Variants in THADA observed in about 807,000 individuals in gnomAD.
THADA encodes the protein tRNA (32-2'-O)-methyltransferase regulator THADA.
A neutral mutation model predicts 219.8 loss-of-function variants in THADA; 213 were observed. That is an observed-to-expected ratio of 0.97 (90% CI 0.87 to 1.09). The LOEUF (loss-of-function observed/expected upper bound fraction) is 1.09, where lower values mean the gene tolerates loss of function less well. THADA is among the 50% of genes least tolerant of loss of function. The pLI is 0.00. For missense variants in THADA, 2,956 were observed against 2,311.3 expected, an observed-to-expected ratio of 1.28 and a Z score of -5.72; for synonymous variants, 1,018 against 828.9, an observed-to-expected ratio of 1.23 and a Z score of -3.92.
intron 23 of THADA, among the ~76,000 whole-genome samples, chr2:43,506,543 G>A (rs1360605981): frequency 6.6e-6 from 1 of 152,168 alleles, no homozygotes; most frequent in East Asian, 1.9e-4. Flanking sequence ...AGATCTGGAA[G>A]GTAGATTAGT....
At chr2:43,511,753 C>T (rs1306422480) in intron 22 of THADA, among the ~76,000 whole-genome samples, 1 of 152,176 alleles carries the variant, frequency 6.6e-6, no homozygotes, top group Non-Finnish European at 1.5e-5. Context: ...CTGCATCTCA[C>T]GAGGACTTTT....
intron 28 of THADA, among the ~76,000 whole-genome samples, chr2:43,404,682 C>T (rs927151326): frequency 6.6e-6 from 1 of 152,138 alleles, no homozygotes; most frequent in African/African-American, 2.4e-5. Flanking sequence ...ACATTGAGAA[C>T]AGAAACAGGG....
Position 43,428,441 on chromosome 2 carries a change from C to A in THADA, c.3927-210G>T, listed in dbSNP as rs185095518. 2.5e-4 allele frequency among the ~76,000 whole-genome samples: 38 copies of A among 152,258 alleles called. 1 individual carries two copies. In the East Asian group the frequency reaches 7.3e-3, roughly 29 times the overall value. Reference sequence around the variant, plus strand: ...TGGCCAATACAGTAAAACCTCATCTCTACTAATACAAAAAACTAGCCGATG... The same window carrying A: ...TGGCCAATACAGTAAAACCTCATCTATACTAATACAAAAAACTAGCCGATG... On this transcript the variant is annotated intron_variant, in intron 27 of 37. Coordinates refer to ENST00000405975, the MANE Select transcript of THADA (RefSeq NM_022065.5).
chr2:43,531,809 CTA>C (rs1359418488), intron 21 of THADA, among the ~76,000 whole-genome samples: 1 of 152,050 alleles, frequency 6.6e-6, no homozygotes, highest in African/African-American at 2.4e-5. Context: ...TTAGAGGTAA[CTA>C]TTAATTTTTA....
chr2:43,380,200 G>C (rs1368838362), intron 29 of THADA, among the ~76,000 whole-genome samples: 1 of 152,136 alleles, frequency 6.6e-6, no homozygotes, highest in African/African-American at 2.4e-5. Context: ...CAGGAGATCA[G>C]GACAAAAGAA....
chr2:43,332,262 CTAA>C (rs1665878175), intron 30 of THADA, among the ~76,000 whole-genome samples: 1 of 152,150 alleles, frequency 6.6e-6, no homozygotes, highest in African/African-American at 2.4e-5. Context: ...TTAACCTTAT[CTAA>C]TAATTAAACT....
intron 22 of THADA, among the ~76,000 whole-genome samples, chr2:43,518,807 C>G (rs935606136): frequency 1.3e-5 from 2 of 152,012 alleles, no homozygotes; most frequent in Admixed American, 6.6e-5. Context: ...CTGGAGTGAA[C>G]AACTGTCCCT....
chr2:43,347,713 A>C (rs1283398560), intron 29 of THADA, among the ~76,000 whole-genome samples: 1 of 152,158 alleles, frequency 6.6e-6, no homozygotes, highest in Non-Finnish European at 1.5e-5. Context: ...CCCTAAATCT[A>C]ATGGTTCTAA....
At chr2:43,387,963 G>A (rs1362088489) in intron 29 of THADA, among the ~76,000 whole-genome samples, 1 of 152,190 alleles carries the variant, frequency 6.6e-6, no homozygotes, top group Non-Finnish European at 1.5e-5. Flanking sequence ...TCAGGCATCT[G>A]GGGTGGCTGC....
intron 15 of THADA, chr2:43,565,426 C>G (rs1321178136): frequency 7.9e-6 from 1 of 127,180 alleles, no homozygotes; most frequent in Non-Finnish European, 1.6e-5. Flanking sequence ...AGCGAGACTC[C>G]GTCTCAAAAA....
chr2:43,438,318 A>C (rs59935840), intron 26 of THADA, among the ~76,000 whole-genome samples: 3 of 150,918 alleles, frequency 2.0e-5, no homozygotes, highest in East Asian at 3.9e-4. Context: ...AAAAAAAAAA[A>C]CCCAAACTAT....
At chr2:43,581,349 G>A (rs188110309) in intron 8 of THADA, among the ~76,000 whole-genome samples, 3 of 152,076 alleles carry the variant, frequency 2.0e-5, no homozygotes, top group East Asian at 3.9e-4. Flanking sequence ...GGCCAACATG[G>A]CAAAACCCTT....
intron 24 of THADA, among the ~76,000 whole-genome samples, chr2:43,500,899 C>A (rs1353081221): frequency 6.6e-6 from 1 of 151,892 alleles, no homozygotes; most frequent in African/African-American, 2.4e-5. Context: ...CAATTATAAC[C>A]CAAAAATTAA....
intron 36 of THADA, among the ~76,000 whole-genome samples, chr2:43,274,510 G>A (rs987706504): frequency 1.8e-4 from 27 of 152,188 alleles, no homozygotes; most frequent in African/African-American, 6.3e-4. Flanking sequence ...GTTGGGAAGA[G>A]AGAACTAAAG....
intron 26 of THADA, among the ~76,000 whole-genome samples, chr2:43,481,270 A>G (rs980383353): frequency 1.3e-5 from 2 of 152,212 alleles, no homozygotes; most frequent in African/African-American, 4.8e-5. Flanking sequence ...AATAAATACA[A>G]TTTAACATCT....
chr2:43,333,002 T>C (rs1322267450), intron 30 of THADA, among the ~76,000 whole-genome samples: 1 of 152,224 alleles, frequency 6.6e-6, no homozygotes, highest in Non-Finnish European at 1.5e-5. Context: ...CACTTCTGAC[T>C]GTTTTCACCC....
chr2:43,232,303 C>A (rs548244825), intron 37 of THADA, among the ~76,000 whole-genome samples: 1 of 152,026 alleles, frequency 6.6e-6, no homozygotes, highest in Non-Finnish European at 1.5e-5. Context: ...CTCAGCCTCC[C>A]GAGTAGCTGG....
chr2:43,324,141 T>C (rs989760783), intron 30 of THADA, among the ~76,000 whole-genome samples: 10 of 152,234 alleles, frequency 6.6e-5, no homozygotes, highest in African/African-American at 2.4e-4. Context: ...GAAACCGGTT[T>C]GACTTTCAAG....
intron 36 of THADA, chr2:43,277,255 G>C (rs1051737410): frequency 2.0e-5 from 3 of 152,516 alleles, no homozygotes; most frequent in African/African-American, 7.2e-5. Context: ...CCTTGGCACT[G>C]AGCCATCCCA....
Sources: gnomAD v4.1 joint callset for allele counts (sites outside exome capture counted in the v4.1 genomes callset) on GRCh38, gnomAD v4.1.1 for gene constraint, MANE v1.5 for transcripts, NCBI Gene and HGNC (gene_info 2026-07-23, HGNC 2026-07-21) for gene names.